ERN1: variants seen among roughly 807,000 people sequenced by gnomAD.
ERN1 encodes the protein serine/threonine-protein kinase/endoribonuclease IRE1.
Under a neutral mutation model 113.1 loss-of-function variants are expected in ERN1, and 39 were observed. The ratio of observed to expected loss-of-function variants is 0.34; its 90% CI spans 0.27 to 0.45. ERN1 has a LOEUF of 0.45. ERN1 is among the 20% of genes least tolerant of loss of function. The probability of loss-of-function intolerance (pLI) is 1.00; values close to 1 mark genes in which losing one functional copy is unlikely to be tolerated. For missense variants in ERN1, 976 were observed against 1,274.8 expected (o/e 0.77, Z 3.57); for synonymous variants, 507 against 515.9 (o/e 0.98, Z 0.23).
At chr17:64,048,474 G>A (rs1478818009) in intron 18 of ERN1, among the ~76,000 whole-genome samples, 1 of 152,122 alleles carries the variant, frequency 6.6e-6, no homozygotes, top group East Asian at 1.9e-4. Flanking sequence ...GCTAATCTGT[G>A]TTTTCTATAA....
rs34253228 is a variant in ERN1 at position 64,073,004 on chromosome 17, A to ATT, written c.356-903_356-902dup. Among the ~76,000 whole-genome samples, 183 of 128,990 alleles carry ATT rather than the reference A, an allele frequency of 1.4e-3. 1 individual carries two copies. Among genetic ancestry groups the ATT allele is most frequent in the Middle Eastern group, 4.0e-3 (1 of 252 alleles). The allele number at this position is 128,990 out of a possible 152,430, so 84.6% of individuals were successfully genotyped here. A position where few individuals can be genotyped will look rare whatever the true frequency, so the allele number is the denominator to read the frequency against. On this transcript the variant is annotated intron_variant, in intron 5 of 21. Transcript: ENST00000433197. Reference sequence around the variant, plus strand: ...TGGAGAAGGTCACAGAGCCTTTGAAATTTTTTTTTTTTTTTTTTTGAGACA... The same window carrying ATT: ...TGGAGAAGGTCACAGAGCCTTTGAAATTTTTTTTTTTTTTTTTTTTTGAGACA...
chr17:64,129,581 C>T, intron 1 of ERN1: 2 of 356,880 alleles, frequency 5.6e-6, no homozygotes, highest in Non-Finnish European at 1.0e-5. Flanking sequence ...CGCCAGGCAG[C>T]GCCGGCGCCC....
At chr17:64,075,138 CAA>C in intron 5 of ERN1, 35 bp downstream of exon 5, 2 of 1,496,380 alleles carry the variant, frequency 1.3e-6, no homozygotes, top group Non-Finnish European at 1.8e-6. Flanking sequence ...GGACTTACAT[CAA>C]AGAGACACAA....
chr17:64,106,218 G>A (rs1050395703), intron 1 of ERN1, among the ~76,000 whole-genome samples: 4 of 152,150 alleles, frequency 2.6e-5, no homozygotes, highest in Non-Finnish European at 4.4e-5. Context: ...ACATATTACA[G>A]TATTAAAGGT....
intron 1 of ERN1, among the ~76,000 whole-genome samples, chr17:64,115,880 C>T (rs1914790871): frequency 2.6e-5 from 4 of 152,056 alleles, no homozygotes; most frequent in African/African-American, 4.8e-5. Flanking sequence ...CATGACTTAC[C>T]AGACCCTCAT....
chr17:64,073,426 C>T (rs867648758), intron 5 of ERN1, among the ~76,000 whole-genome samples: 9 of 151,094 alleles, frequency 6.0e-5, no homozygotes, highest in Admixed American at 4.0e-4. Flanking sequence ...CCACCCAACT[C>T]GGCCTCCCAA....
chr17:64,117,307 T>C (rs1203986463), intron 1 of ERN1, among the ~76,000 whole-genome samples: 2 of 143,908 alleles, frequency 1.4e-5, no homozygotes, highest in African/African-American at 5.2e-5. Flanking sequence ...GCTGGGCGTA[T>C]TGGCACATGG....
Position 64,055,870 on chromosome 17 carries a change from G to A in ERN1, c.1477C>T (p.Gln493Ter). Residue 493 changes from glutamine (Q) to a stop codon, truncating the protein, a stop_gained, in exon 13 of 22, where the codon CAG becomes TAG. Coordinates refer to ENST00000433197, the MANE Select transcript of ERN1 (RefSeq NM_001433.5). LOFTEE classifies it high-confidence loss of function. ...LEKIQLLQQQQQQLPFHPPGD... is the reference protein window; with the variant it reads ...LEKIQLLQQQ ...GGTGGGTGGAAGGGCAGCTGCTGCT[G>A]CTGCTGCTGCAGGAGCTGGATCTTC... 1 of 1,551,562 alleles carries A rather than the reference G, an allele frequency of 6.4e-7. No individual in the cohort carries two copies. Among genetic ancestry groups the A allele is most frequent in the South Asian group, 1.2e-5 (1 of 84,126 alleles).
chr17:64,109,853 G>A (rs1435236372), intron 1 of ERN1, among the ~76,000 whole-genome samples: 3 of 152,104 alleles, frequency 2.0e-5, no homozygotes, highest in East Asian at 1.9e-4. Flanking sequence ...TTTAAATCAC[G>A]GTTCACTGAG....
At position 64,040,657 on chromosome 17, in the gene ERN1, T is replaced by A. The variant is rs1912308552; in HGVS notation, c.*3331A>T. The A allele has an allele frequency of 6.6e-6, 1 of 152,238 alleles. No individual in the cohort carries two copies. Among genetic ancestry groups the A allele is most frequent in the African/African-American group, 2.4e-5 (1 of 41,450 alleles). The allele number at this position is 152,238 out of a possible 1,614,324, so 9.4% of individuals were successfully genotyped here. On this transcript the variant is annotated 3_prime_UTR_variant, in exon 22 of 22. Coordinates refer to ENST00000433197, the MANE Select transcript of ERN1 (RefSeq NM_001433.5). ...CTGCAGATCTTCCAGAACATCTATC[T>A]GTAACTGATCAGAGTGATGTCTCCT... is the stretch of plus-strand genomic sequence containing the variant.
At chr17:64,081,451 T>C (rs1263235925) in intron 2 of ERN1, among the ~76,000 whole-genome samples, 1 of 152,166 alleles carries the variant, frequency 6.6e-6, no homozygotes, top group Non-Finnish European at 1.5e-5. Flanking sequence ...TACCCAATAA[T>C]ATGGTTAAGT....
At chr17:64,079,831 T>C (rs935728804) in intron 3 of ERN1, 97 bp from the exon 4 acceptor site, 2 of 917,340 alleles carry the variant, frequency 2.2e-6, no homozygotes, top group Non-Finnish European at 3.5e-6. Flanking sequence ...GAATAGAGAG[T>C]GGAGGGTGGT....
chr17:64,108,522 T>C (rs964430790), intron 1 of ERN1, among the ~76,000 whole-genome samples: 1 of 152,194 alleles, frequency 6.6e-6, no homozygotes, highest in African/African-American at 2.4e-5. Context: ...CCTGGGGAGC[T>C]AAGCCAAATC....
At chr17:64,071,577 C>T (rs1176283441) in intron 6 of ERN1, among the ~76,000 whole-genome samples, 2 of 152,106 alleles carry the variant, frequency 1.3e-5, no homozygotes, top group Admixed American at 1.3e-4. Flanking sequence ...CATGCCACCA[C>T]ACCTGACTAA....
At chr17:64,066,320 T>G (rs1393185804) in intron 8 of ERN1, among the ~76,000 whole-genome samples, 1 of 152,182 alleles carries the variant, frequency 6.6e-6, no homozygotes, top group African/African-American at 2.4e-5. Flanking sequence ...GTGTGTGTGG[T>G]GGCAGGGGGA....
intron 8 of ERN1, 90 bp downstream of exon 8, chr17:64,066,581 T>C (rs1913232025): frequency 2.0e-6 from 3 of 1,491,106 alleles, no homozygotes; most frequent in Non-Finnish European, 2.7e-6. Flanking sequence ...TGCCCTGTCT[T>C]TGGCCTCCCG....
intron 1 of ERN1, among the ~76,000 whole-genome samples, chr17:64,103,444 C>T (rs1197226020): frequency 6.6e-6 from 1 of 150,924 alleles, no homozygotes; most frequent in Non-Finnish European, 1.5e-5. Flanking sequence ...CTGCAGTGAG[C>T]CGAGATCACG....
chr17:64,052,808 A>G lies in ERN1; in HGVS notation c.2225T>C (p.Met742Thr). 6.2e-7 allele frequency: 1 copy of G among 1,613,994 alleles called. No individual in the cohort carries two copies. The highest frequency in any genetic ancestry group is 8.5e-7 in the Non-Finnish European group (1 of 1,179,892). ...GTTCTCCTTACAGTCTTCGCTCAGC[A>G]TCTCTGGAGCGATCCAGCCTTCTGT... The part of the protein sequence containing the change: ...PGTEGWIAPE[M>T]LSEDCKENPT... The change falls in exon 17 of 22, where the codon ATG becomes ACG. Residue 742 changes from methionine (M) to threonine (T), a missense_variant. Around this residue, in one of 5 missense-constraint regions of ERN1, gnomAD observed 297 missense variants for 457.8 expected, o/e 0.65. Transcript: ENST00000433197.
chr17:64,062,399 C>G (rs549269199), intron 10 of ERN1, among the ~76,000 whole-genome samples: 3 of 152,260 alleles, frequency 2.0e-5, no homozygotes, highest in Non-Finnish European at 4.4e-5. Flanking sequence ...TATCCTTTTA[C>G]TTGTGGCCCT....
Sources: gnomAD v4.1 joint callset for allele counts (sites outside exome capture counted in the v4.1 genomes callset) on GRCh38, gnomAD v4.1.1 for gene constraint, gnomAD v4.1.1 regional missense constraint, MANE v1.5 for transcripts, NCBI Gene and HGNC (gene_info 2026-07-23, HGNC 2026-07-21) for gene names.